Variants in DTD1 observed in about 807,000 individuals in gnomAD.
DTD1 encodes the protein D-aminoacyl-tRNA deacylase 1, also known as D-tyrosyl-tRNA deacylase 1 homolog.
A neutral mutation model predicts 25.6 loss-of-function variants in DTD1; 13 were observed. That is an observed-to-expected ratio of 0.51 (90% CI 0.33 to 0.81). The LOEUF is 0.81. Among genes scored for constraint, DTD1 ranks in the 30% least tolerant of loss-of-function variants. The pLI is 0.02. For synonymous variants in DTD1, 110 were observed against 103.6 expected, an observed-to-expected ratio of 1.06 and a Z score of -0.37; for missense variants, 193 against 266.4, an observed-to-expected ratio of 0.72 and a Z score of 1.92.
At chr20:18,682,629 C>A (rs191149504) in intron 4 of DTD1, among the ~76,000 whole-genome samples, 2 of 152,222 alleles carry the variant, frequency 1.3e-5, no homozygotes, top group African/African-American at 4.8e-5. Context: ...CAATCCTTGA[C>A]ATTTTGTGCC....
In DTD1 at chr20:18,749,140, G is replaced by A. The variant is rs2061312096; in HGVS notation, c.*19+4869G>A. Among the ~76,000 whole-genome samples the A allele has an allele frequency of 6.6e-6, 1 of 152,176 alleles. No homozygotes were observed. Among genetic ancestry groups the A allele is most frequent in the Admixed American group, 6.5e-5 (1 of 15,280 alleles). On this transcript the variant is annotated intron_variant, in intron 5 of 5. Transcript: ENST00000377452. The surrounding 1 kb of genome is among the most constrained non-coding windows in gnomAD (Gnocchi z 4.2). ...AGCTGAAGGCCCCTGGCATGTTCTG[G>A]CTGTGCTCCAGGCTGGGATCCTTGG...
chr20:18,629,230 A>G (rs1442760710), intron 4 of DTD1, among the ~76,000 whole-genome samples: 1 of 149,976 alleles, frequency 6.7e-6, no homozygotes, highest in African/African-American at 2.4e-5. Flanking sequence ...TCCTGACCTC[A>G]GGTGATCTGC....
Position 18,749,332 on chromosome 20 carries a change from C to A in DTD1, c.*19+5061C>A, listed in dbSNP as rs73601845. On this transcript the variant is annotated intron_variant, in intron 5 of 5. Transcript: ENST00000377452. This position sits in a 1 kb window ranked among gnomAD's most constrained non-coding sequence, Gnocchi z 4.2. The stretch of plus-strand genomic sequence containing the variant: ...CTGTGAGAGTGCTGCTCAGCATCGC[C>A]GTGGGGTGGGGAAGGCTCCAGAGGG... Among the ~76,000 whole-genome samples the A allele has an allele frequency of 0.073, 11,161 of 152,142 alleles. 655 individuals are homozygous for A. The highest frequency in any genetic ancestry group is 0.27 in the East Asian group (1,387 of 5,154).
chr20:18,677,130 G>C (rs191722801), intron 4 of DTD1, among the ~76,000 whole-genome samples: 20 of 152,158 alleles, frequency 1.3e-4, no homozygotes, highest in African/African-American at 4.6e-4. Flanking sequence ...CTTATTTGAC[G>C]CTTTTGTTTC....
intron 1 of DTD1, 65 bp from the exon 2 acceptor site, chr20:18,593,666 A>T: frequency 8.7e-7 from 1 of 1,145,516 alleles, no homozygotes; most frequent in Non-Finnish European, 1.3e-6. Context: ...TCCTATGGTT[A>T]CTTAAAAGTG....
chr20:18,608,365 C>T (rs1426230809), intron 3 of DTD1, among the ~76,000 whole-genome samples: 2 of 127,040 alleles, frequency 1.6e-5, no homozygotes, highest in Non-Finnish European at 1.7e-5. Context: ...TTGATTTGTG[C>T]TCTATTTTTT....
At chr20:18,649,819 C>G (rs2060866866) in intron 4 of DTD1, among the ~76,000 whole-genome samples, 1 of 152,206 alleles carries the variant, frequency 6.6e-6, no homozygotes, top group Non-Finnish European at 1.5e-5. Context: ...GCTCAGTAGG[C>G]AGCAGAGAAA....
At chr20:18,592,902 C>G (rs983315516) in intron 1 of DTD1, among the ~76,000 whole-genome samples, 1 of 152,044 alleles carries the variant, frequency 6.6e-6, no homozygotes, top group South Asian at 2.1e-4. Flanking sequence ...AAGCTGGTCT[C>G]GAACTCCTGA....
At chr20:18,609,462 C>T (rs1200684112) in intron 3 of DTD1, among the ~76,000 whole-genome samples, 2 of 152,016 alleles carry the variant, frequency 1.3e-5, no homozygotes, top group African/African-American at 2.4e-5. Flanking sequence ...TAATTGTTAA[C>T]TCTTTAGTGT....
At chr20:18,617,722 T>C (rs939138429) in intron 3 of DTD1, among the ~76,000 whole-genome samples, 1 of 152,214 alleles carries the variant, frequency 6.6e-6, no homozygotes, top group Non-Finnish European at 1.5e-5. Flanking sequence ...TCTATCCATC[T>C]ATCCATTTGC....
chr20:18,708,494 T>C (rs1469534425), intron 4 of DTD1, among the ~76,000 whole-genome samples: 1 of 148,384 alleles, frequency 6.7e-6, no homozygotes, highest in African/African-American at 2.5e-5. Flanking sequence ...TAGCTGGGAT[T>C]ACAGCCACGC....
At chr20:18,709,439 C>G (rs919346949) in intron 4 of DTD1, among the ~76,000 whole-genome samples, 1 of 152,184 alleles carries the variant, frequency 6.6e-6, no homozygotes, top group African/African-American at 2.4e-5. Flanking sequence ...TCCATACCTC[C>G]TTCCATTTCT....
chr20:18,710,067 T>C (rs1259962734), intron 4 of DTD1, among the ~76,000 whole-genome samples: 1 of 152,186 alleles, frequency 6.6e-6, no homozygotes, highest in African/African-American at 2.4e-5. Flanking sequence ...TTATGATATA[T>C]TGTCTACATT....
chr20:18,707,550 G>T (rs890042730), intron 4 of DTD1, among the ~76,000 whole-genome samples: 1 of 152,172 alleles, frequency 6.6e-6, no homozygotes, highest in African/African-American at 2.4e-5. Context: ...AGACTCTAAA[G>T]GGAGCGAGCA....
In DTD1 at chr20:18,765,190, G is replaced by A. The variant is rs1175114084; in HGVS notation, c.*1850G>A. On this transcript the variant is annotated 3_prime_UTR_variant, in exon 6 of 6. Coordinates refer to ENST00000377452, the MANE Select transcript of DTD1 (RefSeq NM_080820.6). ...AAACCGTAAAGGAAGAGCTGAAGGAGCTGGGGCTGTTTCATCTGGGAGGGG... is the reference window on the plus strand; with the variant it reads ...AAACCGTAAAGGAAGAGCTGAAGGAACTGGGGCTGTTTCATCTGGGAGGGG... 1 of 152,344 alleles carries A rather than the reference G, an allele frequency of 6.6e-6. No homozygotes were observed. The highest frequency in any genetic ancestry group is 2.4e-5 in the African/African-American group (1 of 41,472). The allele number at this position is 152,344 out of a possible 1,614,324, so 9.4% of individuals were successfully genotyped here.
Position 18,593,732 on chromosome 20 carries a change from T to C in DTD1, c.45T>C (p.Val15=). The change falls in exon 2 of 6, where the codon GTT becomes GTC. Residue 15 remains valine (V), a splice_region_variant and synonymous_variant. Transcript: ENST00000377452. ...CTCTCCCTTTTGGTTCCTTTCTAGT[T>C]GGAGGAGAGCAGATTAGTGCCATTG... ...VQRVTRASVT[V]GGEQISAIGR... 6.2e-7 allele frequency: 1 copy of C among 1,613,678 alleles called. No homozygotes were observed. Among genetic ancestry groups the C allele is most frequent in the Non-Finnish European group, 8.5e-7 (1 of 1,179,614 alleles).
intron 4 of DTD1, among the ~76,000 whole-genome samples, chr20:18,668,954 C>G (rs1187264518): frequency 2.0e-5 from 3 of 152,172 alleles, no homozygotes; most frequent in Non-Finnish European, 2.9e-5. Context: ...TAACGAGCAT[C>G]TTTGAGGTGC....
Position 18,588,093 on chromosome 20 carries a change from C to G in DTD1, c.21C>G (p.Arg7=). 7.5e-7 allele frequency: 1 copy of G among 1,340,290 alleles called. No individual in the cohort carries two copies. The allele number at this position is 1,340,290 out of a possible 1,614,324, so 83.0% of individuals were successfully genotyped here. A position where few individuals can be genotyped will look rare whatever the true frequency, so the allele number is the denominator to read the frequency against. ...CCGCCATGAAGGCCGTGGTGCAGCG[C>G]GTCACCCGGGCCAGCGTCACAGGTC... is the stretch of plus-strand genomic sequence containing the variant. MKAVVQ[R]VTRASVTVGG... is the part of the protein sequence containing the mutation. The change falls in exon 1 of 6, where the codon CGC becomes CGG. Residue 7 remains arginine, a synonymous_variant. Coordinates refer to ENST00000377452, the MANE Select transcript of DTD1 (RefSeq NM_080820.6).
intron 4 of DTD1, among the ~76,000 whole-genome samples, chr20:18,629,296 CTTTTTTTTTTT>C (rs35174616): frequency 2.9e-5 from 2 of 69,222 alleles, no homozygotes; most frequent in Admixed American, 2.3e-4. Flanking sequence ...TGTGCTCGGC[CTTTTTTTTTTT>C]TTTTTTTTTT....
Sources: gnomAD v4.1 joint callset for allele counts (sites outside exome capture counted in the v4.1 genomes callset) on GRCh38, gnomAD v4.1.1 for gene constraint, Gnocchi (gnomAD v3.1) non-coding constraint, MANE v1.5 for transcripts, NCBI Gene and HGNC (gene_info 2026-07-23, HGNC 2026-07-21) for gene names.